The following MMS19 variants were observed in gnomAD, a reference collection of about 807,000 sequenced individuals.
The protein encoded by MMS19 is MMS19 cytosolic iron-sulfur assembly component.
MMS19 carries 77 observed loss-of-function variants against 129.8 expected under a neutral mutation model. The observed-to-expected ratio is 0.59, with a 90% CI of 0.49 to 0.72. The LOEUF is 0.72. MMS19 is among the 30% of genes least tolerant of loss of function. MMS19 has a pLI of 0.00. For synonymous variants in MMS19, 491 were observed against 502.8 expected, an observed-to-expected ratio of 0.98 and a Z score of 0.31; for missense variants, 1,168 against 1,266.3, an observed-to-expected ratio of 0.92 and a Z score of 1.18.
At chr10:97,490,749 C>T (rs573198988) in intron 1 of MMS19, among the ~76,000 whole-genome samples, 7 of 152,206 alleles carry the variant, frequency 4.6e-5, no homozygotes, top group African/African-American at 1.4e-4. Flanking sequence ...AGTAAGAAGT[C>T]GTCCAATGAG....
intron 1 of MMS19, among the ~76,000 whole-genome samples, chr10:97,493,805 G>A (rs1314176793): frequency 3.3e-5 from 5 of 152,128 alleles, no homozygotes; most frequent in Admixed American, 6.5e-5. Context: ...ACCTGAGGTC[G>A]GAAGTTTAGA....
chr10:97,459,320 G>A (rs1485534951), intron 28 of MMS19, 38 bp from the exon 29 acceptor site: 2 of 1,612,052 alleles, frequency 1.2e-6, no homozygotes, highest in East Asian at 4.5e-5. Flanking sequence ...GCATGCCCAG[G>A]GAGAGATGCT....
At chr10:97,497,992 G>A (rs2040119909) in intron 1 of MMS19, among the ~76,000 whole-genome samples, 1 of 152,214 alleles carries the variant, frequency 6.6e-6, no homozygotes, top group Admixed American at 6.5e-5. Flanking sequence ...GCAGCCCTGC[G>A]CAAGTCCTCT....
intron 1 of MMS19, among the ~76,000 whole-genome samples, chr10:97,487,903 G>A (rs1424463023): frequency 1.3e-5 from 2 of 152,006 alleles, no homozygotes; most frequent in African/African-American, 4.8e-5. Flanking sequence ...GATTGCTTGA[G>A]GCCAGGAGTT....
intron 6 of MMS19, 102 bp from the exon 7 acceptor site, chr10:97,477,065 C>T: frequency 7.0e-6 from 11 of 1,560,364 alleles, no homozygotes; most frequent in Non-Finnish European, 9.5e-6. Flanking sequence ...CCTCCCCTTT[C>T]TCTTCAGGGC....
chr10:97,463,733 A>G (rs931326580), intron 19 of MMS19, 125 bp downstream of exon 19: 2 of 940,706 alleles, frequency 2.1e-6, no homozygotes, highest in Admixed American at 2.8e-5. Flanking sequence ...CTCTGAGGAC[A>G]AAGGATTGAA....
At chr10:97,461,105 G>A in intron 23 of MMS19, 98 bp from the exon 24 acceptor site, 1 of 979,214 alleles carries the variant, frequency 1.0e-6, no homozygotes, top group Non-Finnish European at 1.5e-6. Context: ...CTGAGAAGCT[G>A]TTAGAAAGGG....
chr10:97,495,443 T>A lies in MMS19; in HGVS notation c.112+2830A>T, dbSNP rs528718743. ...CATTTAAATTTGCAGGCTGCTACTC[T>A]GAGTGACTGAACAGGAAGCTAGCTG... On this transcript the variant is annotated intron_variant, in intron 1 of 30. Transcript: ENST00000438925. Among the ~76,000 whole-genome samples, 21 of 152,356 alleles carry A rather than the reference T, an allele frequency of 1.4e-4. 3 individuals are homozygous for A. The highest frequency in any genetic ancestry group is 5.0e-4 in the African/African-American group (21 of 41,598).
At chr10:97,480,014 C>T (rs574222914) in intron 3 of MMS19, among the ~76,000 whole-genome samples, 4 of 152,234 alleles carry the variant, frequency 2.6e-5, no homozygotes, top group African/African-American at 4.8e-5. Context: ...CCAAATATGG[C>T]GATTCCCATG....
intron 1 of MMS19, among the ~76,000 whole-genome samples, chr10:97,494,278 C>T (rs977007160): frequency 6.6e-6 from 1 of 152,208 alleles, no homozygotes; most frequent in East Asian, 1.9e-4. Flanking sequence ...TAGCAAGGCA[C>T]CAGTTTGTGT....
chr10:97,459,707 A>G lies in MMS19; in HGVS notation c.2691T>C (p.His897=), dbSNP rs541333261. Residue 897 remains histidine (H), a synonymous_variant, in exon 27 of 31, where the codon CAT becomes CAC. Coordinates refer to ENST00000438925, the MANE Select transcript of MMS19 (RefSeq NM_022362.5). ...VKPNYLKGLS[H]VLNRLPKPVL... is the part of the protein sequence containing the mutation. ...CAGGCTTGGGCAGCCTGTTAAGTACATGAGAAAGACCCTTCAAGTAGTTTG... is the reference window on the plus strand; with the variant it reads ...CAGGCTTGGGCAGCCTGTTAAGTACGTGAGAAAGACCCTTCAAGTAGTTTG... 66 of 1,612,680 alleles carry G rather than the reference A, an allele frequency of 4.1e-5. No individual in the cohort carries two copies. In the South Asian group the frequency reaches 4.6e-4, roughly 11 times the overall value.
At chr10:97,492,670 G>A (rs2039111875) in intron 1 of MMS19, among the ~76,000 whole-genome samples, 2 of 149,842 alleles carry the variant, frequency 1.3e-5, no homozygotes, top group African/African-American at 4.9e-5. Flanking sequence ...CCAACATGAT[G>A]AAACCCTGTT....
chr10:97,482,735 TATAC>T (rs768262429), intron 2 of MMS19, among the ~76,000 whole-genome samples: 26,391 of 136,970 alleles, frequency 0.19, 2,435 homozygotes, highest in East Asian at 0.23. Flanking sequence ...TGTGTATATA[TATAC>T]ACACACACAC....
intron 2 of MMS19, 66 bp downstream of exon 2, chr10:97,484,037 C>T: frequency 1.8e-6 from 2 of 1,131,442 alleles, no homozygotes; most frequent in East Asian, 2.6e-5. Flanking sequence ...CAGCAATGCG[C>T]AAAAGTAACT....
intron 12 of MMS19, 131 bp downstream of exon 12, chr10:97,468,835 C>G: frequency 1.1e-6 from 1 of 947,054 alleles, no homozygotes; most frequent in Admixed American, 2.9e-5. Context: ...TCTTTAACTC[C>G]TGACCTCAGG....
intron 3 of MMS19, among the ~76,000 whole-genome samples, chr10:97,478,966 C>G (rs1435908432): frequency 6.6e-6 from 1 of 152,046 alleles, no homozygotes; most frequent in Non-Finnish European, 1.5e-5. Context: ...GTGGTGCTTG[C>G]CTATAGGGAG....
intron 29 of MMS19, 102 bp downstream of exon 29, chr10:97,459,121 A>G (rs549387156): frequency 4.3e-6 from 5 of 1,175,526 alleles, no homozygotes; most frequent in African/African-American, 1.5e-5. Context: ...TCAGATCTCA[A>G]TTACACACCA....
Position 97,458,587 on chromosome 10 carries a change from G to A in MMS19, c.*105C>T, listed in dbSNP as rs1461722075. The A allele has an allele frequency of 1.2e-5, 14 of 1,162,460 alleles. No homozygotes were observed. The highest frequency in any genetic ancestry group is 1.5e-5 in the African/African-American group (1 of 64,584). 72.0% of individuals were successfully genotyped at this position (1,162,460 alleles called of 1,614,324 possible). On this transcript the variant is annotated 3_prime_UTR_variant, in exon 31 of 31. Coordinates refer to ENST00000438925, the MANE Select transcript of MMS19 (RefSeq NM_022362.5). ...CCTAGCATTTGTGCTGTGTCTGTGG[G>A]AAAGGCAGTCAGAGACCAGTGGTTT...
chr10:97,477,796 C>T, intron 5 of MMS19, 59 bp downstream of exon 5: 9 of 1,258,024 alleles, frequency 7.2e-6, no homozygotes, highest in Non-Finnish European at 9.9e-6. Context: ...GCTATTGAAT[C>T]CCAGTTATGT....
Sources: allele counts gnomAD v4.1 joint callset (sites outside exome capture counted in the v4.1 genomes callset), GRCh38; gene constraint gnomAD v4.1.1; transcripts MANE v1.5; gene names NCBI Gene and HGNC (gene_info 2026-07-23, HGNC 2026-07-21).